Variants in PLEKHA7 observed in about 807,000 individuals in gnomAD.
PLEKHA7 encodes pleckstrin homology domain-containing family A member 7.
Under a neutral mutation model 170.0 loss-of-function variants are expected in PLEKHA7, and 104 were observed. That is an observed-to-expected ratio of 0.61 (90% CI 0.52 to 0.72). The LOEUF (loss-of-function observed/expected upper bound fraction) is 0.72, where lower values mean the gene tolerates loss of function less well. Among genes scored for constraint, PLEKHA7 ranks in the 30% least tolerant of loss-of-function variants. PLEKHA7 has a pLI of 0.00. For synonymous variants in PLEKHA7, 648 were observed against 660.8 expected (o/e 0.98, Z 0.30); for missense variants, 1,615 against 1,671.7 (o/e 0.97, Z 0.59).
At chr11:17,008,575 C>G (rs1467531103) in intron 3 of PLEKHA7, among the ~76,000 whole-genome samples, 1 of 152,216 alleles carries the variant, frequency 6.6e-6, no homozygotes, top group African/African-American at 2.4e-5. Flanking sequence ...TTTCCAAGAC[C>G]TGGAATACCT....
At chr11:16,888,772 A>G (rs1016305614) in intron 3 of PLEKHA7, among the ~76,000 whole-genome samples, 10 of 152,186 alleles carry the variant, frequency 6.6e-5, no homozygotes, top group Non-Finnish European at 1.3e-4. Flanking sequence ...TTATCTGCTG[A>G]CCTTCCCTCC....
At chr11:16,931,801 A>C (rs918941461) in intron 3 of PLEKHA7, among the ~76,000 whole-genome samples, 4 of 149,022 alleles carry the variant, frequency 2.7e-5, no homozygotes, top group Non-Finnish European at 6.0e-5. Context: ...GAAGCTGAAC[A>C]GAATCCAACT....
At chr11:17,000,312 T>C (rs1864589998) in intron 3 of PLEKHA7, among the ~76,000 whole-genome samples, 1 of 152,194 alleles carries the variant, frequency 6.6e-6, no homozygotes, top group South Asian at 2.1e-4. Flanking sequence ...CAGGCTGGTC[T>C]TGAACTCTTG....
At chr11:16,845,162 G>T (rs1272943649) in intron 8 of PLEKHA7, among the ~76,000 whole-genome samples, 2 of 152,134 alleles carry the variant, frequency 1.3e-5, no homozygotes, top group Non-Finnish European at 2.9e-5. Flanking sequence ...ACCCCATGAA[G>T]GACACGTGCC....
intron 4 of PLEKHA7, among the ~76,000 whole-genome samples, chr11:16,861,321 T>G (rs976133162): frequency 6.7e-6 from 1 of 149,924 alleles, no homozygotes; most frequent in Non-Finnish European, 1.5e-5. Flanking sequence ...AGGCCAGGAG[T>G]TCAAGACCAG....
intron 3 of PLEKHA7, among the ~76,000 whole-genome samples, chr11:16,907,150 G>A (rs1164373287): frequency 6.3e-5 from 6 of 95,866 alleles, no homozygotes; most frequent in African/African-American, 1.3e-4. Context: ...CGCCCCGTCC[G>A]GAAGGGAGGT....
intron 3 of PLEKHA7, among the ~76,000 whole-genome samples, chr11:16,939,150 T>G (rs1318969380): frequency 6.6e-6 from 1 of 152,130 alleles, no homozygotes; most frequent in Non-Finnish European, 1.5e-5. Flanking sequence ...AGTGACTCCC[T>G]CCTATAGTCC....
rs369644985 is a variant in PLEKHA7 at position 16,816,982 on chromosome 11, G to A, written c.1684C>T (p.Arg562Cys). 143 of 1,607,934 alleles carry A rather than the reference G, an allele frequency of 8.9e-5. No individual in the cohort carries two copies. Among genetic ancestry groups the A allele is most frequent in the Middle Eastern group, 1.7e-4 (1 of 6,042 alleles). The change falls in exon 11 of 27, where the codon CGC becomes TGC. Residue 562 changes from arginine to cysteine, a missense_variant. Arg to Cys is a radical substitution (Grantham distance 180). Coordinates refer to ENST00000531066, the MANE Select transcript of PLEKHA7 (RefSeq NM_001329630.2). ...GRSRSMLEVP[R>C]SISVPPSPSD... ...GGAGATGGAGGCACAGAGATGGAGC[G>A]GGGCACCTCTAGCATGCTCCTGCTC... is the stretch of plus-strand genomic sequence containing the variant.
intron 3 of PLEKHA7, among the ~76,000 whole-genome samples, chr11:16,986,670 TC>T (rs1473005078): frequency 1.3e-5 from 2 of 151,892 alleles, no homozygotes; most frequent in East Asian, 3.9e-4. Context: ...CTGGCTGGAG[TC>T]CCAGCTGTCA....
chr11:16,808,619 C>A (rs757484971), intron 13 of PLEKHA7, among the ~76,000 whole-genome samples: 1 of 152,182 alleles, frequency 6.6e-6, no homozygotes, highest in Non-Finnish European at 1.5e-5. Flanking sequence ...GACGGCACAT[C>A]CCTCACTGAA....
intron 3 of PLEKHA7, among the ~76,000 whole-genome samples, chr11:16,951,260 A>G (rs1000064402): frequency 6.6e-6 from 1 of 151,958 alleles, no homozygotes; most frequent in Non-Finnish European, 1.5e-5. Flanking sequence ...AGCCTCCTCC[A>G]TGCAGCATGG....
In PLEKHA7 at chr11:16,789,852, G is replaced by A; in HGVS notation, c.3079C>T (p.Gln1027Ter). The stretch of plus-strand genomic sequence containing the variant: ...TAGGGAGCAATGGTGGACGACTGCT[G>A]GAGCCTTGACGTGGACCCTGAGAGC... The part of the protein sequence containing the change: ...RGLSGSTSRL[Q>*]QSSTIAPYVT... The change falls in exon 22 of 27, where the codon CAG (glutamine) becomes TAG (stop). Residue 1027 changes from glutamine to a stop codon, truncating the protein, a stop_gained. Coordinates refer to ENST00000531066, the MANE Select transcript of PLEKHA7 (RefSeq NM_001329630.2). LOFTEE classifies it high-confidence loss of function. This position sits in a 1 kb window ranked among gnomAD's most constrained non-coding sequence, Gnocchi z 4.6. The A allele has an allele frequency of 6.2e-7, 1 of 1,614,120 alleles. No homozygotes were observed. The highest frequency in any genetic ancestry group is 8.5e-7 in the Non-Finnish European group (1 of 1,179,970).
intron 4 of PLEKHA7, among the ~76,000 whole-genome samples, chr11:16,862,566 A>C (rs1237412922): frequency 1.3e-5 from 2 of 152,242 alleles, no homozygotes; most frequent in African/African-American, 4.8e-5. Flanking sequence ...TACAGGAAGC[A>C]GCTTCCCTTC....
intron 3 of PLEKHA7, among the ~76,000 whole-genome samples, chr11:16,918,255 C>T (rs1175492760): frequency 6.6e-6 from 1 of 152,178 alleles, no homozygotes; most frequent in Non-Finnish European, 1.5e-5. Flanking sequence ...CTTTAAAATT[C>T]TATCAAAATC....
intron 3 of PLEKHA7, among the ~76,000 whole-genome samples, chr11:16,879,564 G>A (rs79742426): frequency 0.016 from 2,365 of 152,204 alleles, 61 homozygotes; most frequent in African/African-American, 0.054. Context: ...CCATACCAAT[G>A]TGGGCAGCGA....
At position 16,956,169 on chromosome 11, in the gene PLEKHA7, G is replaced by A. The variant is rs757519901; in HGVS notation, c.221+57820C>T. 3.9e-5 allele frequency among the ~76,000 whole-genome samples: 6 copies of A among 152,162 alleles called. No homozygotes were observed. The South Asian group carries it at 1.2e-3, about 32-fold the overall frequency. ...CAGAGGAGTATGTACGTATGTGTGT[G>A]TACACATACGTACCTATTTTGTTTT... On this transcript the variant is annotated intron_variant, in intron 3 of 26. Coordinates refer to ENST00000531066, the MANE Select transcript of PLEKHA7 (RefSeq NM_001329630.2).
chr11:16,997,278 A>AATG (rs1318357650), intron 3 of PLEKHA7, among the ~76,000 whole-genome samples: 2 of 152,152 alleles, frequency 1.3e-5, no homozygotes, highest in Non-Finnish European at 2.9e-5. Context: ...TCCCATCAGA[A>AATG]ATGTCCATGG....
chr11:16,906,372 C>T (rs1426994214), intron 3 of PLEKHA7, among the ~76,000 whole-genome samples: 1 of 144,284 alleles, frequency 6.9e-6, no homozygotes, highest in Non-Finnish European at 1.5e-5. Flanking sequence ...TGATGCCGAG[C>T]CAAAGCTGGA....
chr11:16,896,024 G>A (rs1249452815), intron 3 of PLEKHA7, among the ~76,000 whole-genome samples: 1 of 152,172 alleles, frequency 6.6e-6, no homozygotes, highest in Non-Finnish European at 1.5e-5. Flanking sequence ...TGGTCCCCAA[G>A]GTTCTGGTGC....
Sources: allele counts gnomAD v4.1 joint callset (sites outside exome capture counted in the v4.1 genomes callset), GRCh38; gene constraint gnomAD v4.1.1; non-coding constraint Gnocchi (gnomAD v3.1); transcripts MANE v1.5; gene names NCBI Gene and HGNC (gene_info 2026-07-23, HGNC 2026-07-21).